The following RBPJ variants were observed in gnomAD, a reference collection of about 807,000 sequenced individuals.
RBPJ encodes recombining binding protein suppressor of hairless.
In RBPJ, 9 loss-of-function variants were observed where a neutral mutation model predicts 67.8. The ratio of observed to expected loss-of-function variants is 0.13; its 90% CI spans 0.08 to 0.23. The LOEUF (loss-of-function observed/expected upper bound fraction) is 0.23. RBPJ is among the 10% of genes least tolerant of loss of function. RBPJ has a pLI of 1.00. For synonymous variants in RBPJ, 198 were observed against 203.3 expected (o/e 0.97, Z 0.22); for missense variants, 305 against 595.6 (o/e 0.51, Z 5.08).
intron 1 of RBPJ, among the ~76,000 whole-genome samples, chr4:26,311,058 A>G (rs1180683957): frequency 6.6e-6 from 1 of 152,208 alleles, no homozygotes; most frequent in Non-Finnish European, 1.5e-5. Flanking sequence ...TTGAGTAATG[A>G]TAAAAACTAA....
At chr4:26,181,508 T>A (rs1445297115) in intron 1 of RBPJ, among the ~76,000 whole-genome samples, 1 of 152,226 alleles carries the variant, frequency 6.6e-6, no homozygotes, top group East Asian at 1.9e-4. Context: ...TCAACTTTTA[T>A]TATAGTCATG....
At chr4:26,175,824 T>A (rs1047731255) in intron 1 of RBPJ, among the ~76,000 whole-genome samples, 3 of 151,980 alleles carry the variant, frequency 2.0e-5, no homozygotes, top group African/African-American at 7.3e-5. Context: ...CTTACTGTTA[T>A]TGGGTAAATG....
At chr4:26,213,701 A>G (rs559936985) in intron 1 of RBPJ, among the ~76,000 whole-genome samples, 1 of 152,102 alleles carries the variant, frequency 6.6e-6, no homozygotes, top group African/African-American at 2.4e-5. Context: ...CACACAGGAG[A>G]CTGCCAAGAT....
chr4:26,332,026 T>C (rs373752462), intron 1 of RBPJ, among the ~76,000 whole-genome samples: 1 of 152,270 alleles, frequency 6.6e-6, no homozygotes, highest in African/African-American at 2.4e-5. Flanking sequence ...TTCTCTTGAC[T>C]ATGGGATTCA....
rs370335058 is a variant in RBPJ, at chr4:26,363,148, A to C, written c.21-23205A>C. On this transcript the variant is annotated intron_variant, in intron 1 of 10. Transcript: ENST00000355476. The stretch of plus-strand genomic sequence containing the variant: ...AGTTATTTATTTATTTTTTATTTTT[A>C]TTTCTTTTTGAGATGGAGTCTTGCT... 6.6e-5 allele frequency among the ~76,000 whole-genome samples: 10 copies of C among 151,934 alleles called. 1 individual carries two copies. The highest frequency in any genetic ancestry group is 2.4e-4 in the African/African-American group (10 of 41,438).
intron 1 of RBPJ, among the ~76,000 whole-genome samples, chr4:26,366,416 G>A (rs985417790): frequency 1.3e-5 from 2 of 151,852 alleles, no homozygotes; most frequent in Non-Finnish European, 2.9e-5. Flanking sequence ...AAATATATAT[G>A]TGTATTTATT....
chr4:26,275,677 C>T (rs1405368136), intron 1 of RBPJ, among the ~76,000 whole-genome samples: 1 of 152,136 alleles, frequency 6.6e-6, no homozygotes, highest in Non-Finnish European at 1.5e-5. Context: ...TGTTGCCAGG[C>T]TGGAGTGCAG....
At chr4:26,138,995 A>C in the RBPJ span, among the ~76,000 whole-genome samples, 75 of 152,354 alleles carry the variant, frequency 4.9e-4, no homozygotes, top group African/African-American at 1.4e-3. Flanking sequence ...AGTAACAGCC[A>C]ACAATCCCGG....
At chr4:26,116,784 C>T in the RBPJ span, among the ~76,000 whole-genome samples, 1 of 152,202 alleles carries the variant, frequency 6.6e-6, no homozygotes, top group Non-Finnish European at 1.5e-5. Context: ...CAAAGTGGCA[C>T]CAAAGCTACT....
chr4:26,422,192 C>T (rs936186815), intron 5 of RBPJ, among the ~76,000 whole-genome samples: 14 of 140,706 alleles, frequency 9.9e-5, no homozygotes, highest in African/African-American at 3.8e-4. Context: ...GATTGGAAGT[C>T]ATAATATCTG....
the RBPJ span, among the ~76,000 whole-genome samples, chr4:26,126,536 T>C: frequency 6.6e-6 from 1 of 152,250 alleles, no homozygotes; most frequent in Non-Finnish European, 1.5e-5. Flanking sequence ...GAAAGTGCTG[T>C]AAGAAACTTG....
chr4:26,377,556 G>A (rs1729879183), intron 1 of RBPJ, among the ~76,000 whole-genome samples: 2 of 152,240 alleles, frequency 1.3e-5, no homozygotes, highest in African/African-American at 2.4e-5. Flanking sequence ...TGAGGCGTCT[G>A]AAGGAGTTAT....
the RBPJ span, among the ~76,000 whole-genome samples, chr4:26,142,802 G>C: frequency 6.6e-6 from 1 of 152,264 alleles, no homozygotes; most frequent in Admixed American, 6.5e-5. Context: ...GAGAGAGAGA[G>C]ACAGAGTCTC....
intron 1 of RBPJ, among the ~76,000 whole-genome samples, chr4:26,371,580 T>C (rs77724339): frequency 0.014 from 2,057 of 152,332 alleles, 25 homozygotes; most frequent in Admixed American, 0.02. Flanking sequence ...TCTTCATTGC[T>C]AGGTTACTTA....
chr4:26,257,715 T>C (rs1449506848), intron 1 of RBPJ, among the ~76,000 whole-genome samples: 1 of 151,986 alleles, frequency 6.6e-6, no homozygotes, highest in Non-Finnish European at 1.5e-5. Context: ...GTCTCTTCTT[T>C]TCCATCACCA....
intron 1 of RBPJ, among the ~76,000 whole-genome samples, chr4:26,383,334 G>A (rs764130289): frequency 1.3e-5 from 2 of 152,170 alleles, no homozygotes; most frequent in African/African-American, 2.4e-5. Flanking sequence ...TTTTGAGTGC[G>A]ATGAATCTCT....
the RBPJ span, among the ~76,000 whole-genome samples, chr4:26,153,993 TTGGA>T: frequency 6.6e-6 from 1 of 152,190 alleles, no homozygotes; most frequent in African/African-American, 2.4e-5. Flanking sequence ...TTTCAGATTT[TTGGA>T]TTAGGGACTC....
chr4:26,318,321 G>A (rs149260232), upstream of RBPJ, among the ~76,000 whole-genome samples: 702 of 152,176 alleles, frequency 4.6e-3, 5 homozygotes, highest in Middle Eastern at 0.01. Context: ...ACCACATCAG[G>A]GCCAATCTGA....
At chr4:26,169,055 C>A (rs892570717) in intron 1 of RBPJ, among the ~76,000 whole-genome samples, 3 of 152,230 alleles carry the variant, frequency 2.0e-5, no homozygotes, top group Non-Finnish European at 4.4e-5. Context: ...TCGTCTGAAG[C>A]TTTCTTCTCT....
Sources: allele counts gnomAD v4.1 joint callset (sites outside exome capture counted in the v4.1 genomes callset), GRCh38; gene constraint gnomAD v4.1.1; transcripts MANE v1.5; gene names NCBI Gene and HGNC (gene_info 2026-07-23, HGNC 2026-07-21).